The following UBE2O variants were observed in gnomAD, a reference collection of about 807,000 sequenced individuals.
The protein encoded by UBE2O is (E3-independent) E2 ubiquitin-conjugating enzyme.
UBE2O carries 15 observed loss-of-function variants against 125.8 expected under a neutral mutation model. That is an observed-to-expected ratio of 0.12 (90% CI 0.08 to 0.18). The LOEUF (loss-of-function observed/expected upper bound fraction) is 0.18, where lower values mean the gene tolerates loss of function less well. Among genes scored for constraint, UBE2O ranks in the 10% least tolerant of loss-of-function variants. The probability of loss-of-function intolerance (pLI) is 1.00; values close to 1 mark genes in which losing one functional copy is unlikely to be tolerated. For missense variants in UBE2O, 1,280 were observed against 1,723.6 expected, an observed-to-expected ratio of 0.74 and a Z score of 4.56; for synonymous variants, 708 against 703.2, an observed-to-expected ratio of 1.01 and a Z score of -0.11.
chr17:76,418,121 C>T (rs1193923054), intron 1 of UBE2O, among the ~76,000 whole-genome samples: 1 of 152,204 alleles, frequency 6.6e-6, no homozygotes, highest in Admixed American at 6.5e-5. Flanking sequence ...AGCTGCCCCA[C>T]ACTGCCCTGG....
chr17:76,400,074 T>C lies in UBE2O; in HGVS notation c.1155+73A>G. The C allele has an allele frequency of 6.4e-7, 1 of 1,565,990 alleles. No homozygotes were observed. Among genetic ancestry groups the C allele is most frequent in the Non-Finnish European group, 8.7e-7 (1 of 1,153,466 alleles). On this transcript the variant is annotated intron_variant, in intron 8 of 17. Transcript: ENST00000319380. The surrounding 1 kb of genome is among the most constrained non-coding windows in gnomAD (Gnocchi z 4.3). ...CCCCCAAGGCCTAAAGCACAGACTG[T>C]CCTTCTTGGCCATGGAAATGGCTCA...
chr17:76,406,689 G>GTT (rs1567838279), intron 1 of UBE2O, among the ~76,000 whole-genome samples: 4 of 119,258 alleles, frequency 3.4e-5, no homozygotes, highest in African/African-American at 1.1e-4. Flanking sequence ...ATGAGCCCAA[G>GTT]TTGTTTTTTT....
At chr17:76,401,447 G>A (rs2072322549) in intron 5 of UBE2O, among the ~76,000 whole-genome samples, 2 of 152,186 alleles carry the variant, frequency 1.3e-5, no homozygotes, top group Admixed American at 6.5e-5. Flanking sequence ...AAACCTGTTT[G>A]CTCACGCACC....
Position 76,450,674 on chromosome 17 carries a change from T to G in UBE2O, c.417+2051A>C, listed in dbSNP as rs1246426665. On this transcript the variant is annotated intron_variant, in intron 1 of 17. Coordinates refer to ENST00000319380, the MANE Select transcript of UBE2O (RefSeq NM_022066.4). Reference sequence around the variant, plus strand: ...TTAACTCTTGCTGCCCAGGTTGGAGTGCAATGGTGCCATCTCAGCTCACCG... The same window carrying G: ...TTAACTCTTGCTGCCCAGGTTGGAGGGCAATGGTGCCATCTCAGCTCACCG... Among the ~76,000 whole-genome samples, 3 of 152,000 alleles carry G rather than the reference T, an allele frequency of 2.0e-5. No individual in the cohort carries two copies. In the East Asian group the frequency reaches 5.8e-4, roughly 29 times the overall value.
At chr17:76,413,819 G>T (rs1372004036) in intron 1 of UBE2O, among the ~76,000 whole-genome samples, 1 of 152,208 alleles carries the variant, frequency 6.6e-6, no homozygotes, top group Non-Finnish European at 1.5e-5. Context: ...CTTTTAGGGT[G>T]AGGAACTTTA....
chr17:76,414,042 G>A (rs1364982181), intron 1 of UBE2O, among the ~76,000 whole-genome samples: 2 of 152,200 alleles, frequency 1.3e-5, no homozygotes, highest in Non-Finnish European at 2.9e-5. Flanking sequence ...ACCATCATGT[G>A]GCTGAGCCCT....
chr17:76,406,092 C>T (rs796744098), intron 1 of UBE2O, among the ~76,000 whole-genome samples: 13 of 152,338 alleles, frequency 8.5e-5, no homozygotes, highest in African/African-American at 2.9e-4. Flanking sequence ...CTGGGTTATC[C>T]TCCTGACCAG....
chr17:76,413,031 CAAAAT>C (rs2072543248), intron 1 of UBE2O, among the ~76,000 whole-genome samples: 1 of 152,064 alleles, frequency 6.6e-6, no homozygotes, highest in Non-Finnish European at 1.5e-5. Context: ...CAAAACAAAA[CAAAAT>C]GAAACAAAAA....
At position 76,398,435 on chromosome 17, in the gene UBE2O, G is replaced by C. The variant is rs752145576; in HGVS notation, c.1896+37C>G. 3 of 1,613,940 alleles carry C rather than the reference G, an allele frequency of 1.9e-6. No individual in the cohort carries two copies. Among genetic ancestry groups the C allele is most frequent in the African/African-American group, 2.7e-5 (2 of 74,898 alleles). ...GCTAGGGGTCCTACACCCAACCCCA[G>C]AGCCCACCTGAAGCAAGCAGTAGGG... On this transcript the variant is annotated intron_variant, in intron 11 of 17. Transcript: ENST00000319380. The surrounding 1 kb of genome is among the most constrained non-coding windows in gnomAD (Gnocchi z 5.4).
At chr17:76,420,540 A>T (rs2072691667) in intron 1 of UBE2O, among the ~76,000 whole-genome samples, 1 of 152,208 alleles carries the variant, frequency 6.6e-6, no homozygotes, top group Non-Finnish European at 1.5e-5. Context: ...CACTAGAGGC[A>T]CTGGCAGGTT....
chr17:76,452,919 G>A lies in UBE2O; in HGVS notation c.223C>T (p.His75Tyr). 5 of 1,498,494 alleles carry A rather than the reference G, an allele frequency of 3.3e-6. No individual in the cohort carries two copies. The highest frequency in any genetic ancestry group is 1.5e-5 in the African/African-American group (1 of 68,674). The allele number at this position is 1,498,494 out of a possible 1,614,324, so 92.8% of individuals were successfully genotyped here. Reference protein sequence around the residue: ...LVSGRYRGSVHFGLVRLIHGE... With the variant: ...LVSGRYRGSVYFGLVRLIHGE... ...TGGATGAGGCGCACCAGCCCGAAGT[G>A]CACGGAGCCACGGTAACGGCCCGAC... The change falls in exon 1 of 18, where the codon CAC (histidine) becomes TAC (tyrosine). Residue 75 changes from histidine to tyrosine, a missense_variant. Physicochemically the swap from His to Tyr is moderately conservative, Grantham distance 83. Around this residue, in one of 10 missense-constraint regions of UBE2O, gnomAD observed 188 missense variants for 192.5 expected, o/e 0.98. Transcript: ENST00000319380. This position sits in a 1 kb window ranked among gnomAD's most constrained non-coding sequence, Gnocchi z 4.4.
At chr17:76,428,225 G>A (rs1347427858) in intron 1 of UBE2O, among the ~76,000 whole-genome samples, 1 of 152,072 alleles carries the variant, frequency 6.6e-6, no homozygotes, top group African/African-American at 2.4e-5. Flanking sequence ...TTGCTCTTCG[G>A]AAGCTTTATG....
Position 76,452,817 on chromosome 17 carries a change from G to A in UBE2O, c.325C>T (p.His109Tyr). The change falls in exon 1 of 18, where the codon CAC becomes TAC. Residue 109 changes from histidine to tyrosine, a missense_variant. By Grantham distance (83) the His-to-Tyr change is moderately conservative. Coordinates refer to ENST00000319380, the MANE Select transcript of UBE2O (RefSeq NM_022066.4). The surrounding 1 kb of genome is among the most constrained non-coding windows in gnomAD (Gnocchi z 4.4). ...SGCSEAGGAG[H>Y]EEGRASPLRR... ...AGGGGGCTGGCCCGGCCCTCCTCGT[G>A]GCCCGCGCCCCCGGCCTCGGAGCAC... 2.6e-6 allele frequency: 4 copies of A among 1,510,412 alleles called. No homozygotes were observed. Among genetic ancestry groups the A allele is most frequent in the East Asian group, 2.8e-5 (1 of 35,368 alleles). The allele number at this position is 1,510,412 out of a possible 1,614,324, so 93.6% of individuals were successfully genotyped here.
intron 1 of UBE2O, among the ~76,000 whole-genome samples, chr17:76,423,260 C>T (rs538000583): frequency 2.0e-5 from 3 of 152,196 alleles, no homozygotes; most frequent in East Asian, 1.9e-4. Flanking sequence ...GCACCTGGAG[C>T]CCCAGCTACT....
chr17:76,445,929 C>T (rs141828878), intron 1 of UBE2O, among the ~76,000 whole-genome samples: 5 of 152,286 alleles, frequency 3.3e-5, no homozygotes, highest in Non-Finnish European at 4.4e-5. Context: ...AGCATTTAGA[C>T]CATGACCTTC....
intron 1 of UBE2O, among the ~76,000 whole-genome samples, chr17:76,450,340 TCTATAGCTCATGGTAACAGAGCTAC>T (rs1370887786): frequency 6.6e-6 from 1 of 152,102 alleles, no homozygotes; most frequent in Non-Finnish European, 1.5e-5. Context: ...GTCACCTGTA[TCTATAGCTCATGGTAACAGAGCTAC>T]CTATCAGGTA....
intron 1 of UBE2O, among the ~76,000 whole-genome samples, chr17:76,450,835 G>A (rs1409861574): frequency 3.3e-5 from 5 of 152,182 alleles, no homozygotes; most frequent in African/African-American, 1.2e-4. Flanking sequence ...TGGTCAGGCT[G>A]GTCTCGAACT....
At chr17:76,421,194 A>G (rs1195726025) in intron 1 of UBE2O, among the ~76,000 whole-genome samples, 1 of 152,108 alleles carries the variant, frequency 6.6e-6, no homozygotes, top group African/African-American at 2.4e-5. Context: ...AGCTACAGTG[A>G]GCTCCCTAGA....
rs779778170 is a variant in UBE2O at position 76,402,571 on chromosome 17, A to G, written c.686+31T>C. The G allele has an allele frequency of 6.3e-7, 1 of 1,592,662 alleles. No individual in the cohort carries two copies. Among genetic ancestry groups the G allele is most frequent in the East Asian group, 2.2e-5 (1 of 44,760 alleles). ...TCTTTCCAAGAGGCTATCCTTCCCA[A>G]GCCGATGGCTCTCTGGTGGTGAGAC... On this transcript the variant is annotated intron_variant, in intron 4 of 17. Transcript: ENST00000319380. The surrounding 1 kb of genome is among the most constrained non-coding windows in gnomAD (Gnocchi z 5.4).
Sources: allele counts gnomAD v4.1 joint callset (sites outside exome capture counted in the v4.1 genomes callset), GRCh38; gene constraint gnomAD v4.1.1; regional missense constraint gnomAD v4.1.1; non-coding constraint Gnocchi (gnomAD v3.1); transcripts MANE v1.5; gene names NCBI Gene and HGNC (gene_info 2026-07-23, HGNC 2026-07-21).